Variants in SYNE1 observed in about 807,000 individuals in gnomAD.
SYNE1 encodes the protein nesprin-1.
In SYNE1, 616 loss-of-function variants were observed where a neutral mutation model predicts 1,111.0. The ratio of observed to expected loss-of-function variants is 0.55; its 90% CI spans 0.52 to 0.59. The LOEUF (loss-of-function observed/expected upper bound fraction) is 0.59. Among genes scored for constraint, SYNE1 ranks in the 20% least tolerant of loss-of-function variants. The pLI is 0.00. For missense variants in SYNE1, 10,006 were observed against 10,417.0 expected (o/e 0.96, Z 1.72); for synonymous variants, 3,855 against 3,825.8 (o/e 1.01, Z -0.28).
chr6:152,432,709 T>G (rs2154209143), intron 34 of SYNE1, among the ~76,000 whole-genome samples: 1 of 152,300 alleles, frequency 6.6e-6, no homozygotes, highest in African/African-American at 2.4e-5. Flanking sequence ...GGGGACATTT[T>G]TGAGACAAAA....
rs969648399 is a variant in SYNE1 at position 152,502,646 on chromosome 6, C to T, written c.875G>A (p.Gly292Glu). The part of the protein sequence containing the change: ...YPDIHNASTD[G>E]QEDDEILPGF... ...GCAAATACCTACATCATCCTCTTGC[C>T]CATCAGTGCTTGCATTGTGGATGTC... The change falls in exon 10 of 146, where the codon GGG becomes GAG. Residue 292 changes from glycine (G) to glutamate (E), a missense_variant. By Grantham distance (98) the Gly-to-Glu change is moderately conservative. Around this residue, in one of 7 missense-constraint regions of SYNE1, gnomAD observed 1,971 missense variants for 2,084.1 expected, o/e 0.95. Transcript: ENST00000367255. The T allele has an allele frequency of 1.2e-6, 2 of 1,612,954 alleles. No homozygotes were observed. Among genetic ancestry groups the T allele is most frequent in the Non-Finnish European group, 1.7e-6 (2 of 1,179,088 alleles).
At chr6:152,368,256 C>T (rs1460571777) in intron 61 of SYNE1, 4 of 152,410 alleles carry the variant, frequency 2.6e-5, no homozygotes, top group African/African-American at 9.7e-5. Context: ...AGGTTATAAG[C>T]CACATAAAGC....
Position 152,326,040 on chromosome 6 carries a change from T to A in SYNE1, c.15356A>T (p.Asp5119Val). ...AREEVIELMNDTEKKLSEFSL... is the reference protein window; with the variant it reads ...AREEVIELMNVTEKKLSEFSL... ...AAACTCAGACAATTTCTTTTCTGTA[T>A]CATTCATCAATTCAATAACCTCTTC... The change falls in exon 80 of 146, where the codon GAT becomes GTT. Residue 5119 changes from aspartate to valine, a missense_variant. By Grantham distance (152) the Asp-to-Val change is radical. Coordinates refer to ENST00000367255, the MANE Select transcript of SYNE1 (RefSeq NM_182961.4). The A allele has an allele frequency of 2.5e-6, 4 of 1,614,204 alleles. No homozygotes were observed. Among genetic ancestry groups the A allele is most frequent in the Non-Finnish European group, 3.4e-6 (4 of 1,180,022 alleles).
At chr6:152,353,030 G>A (rs533039314) in intron 69 of SYNE1, among the ~76,000 whole-genome samples, 2 of 152,326 alleles carry the variant, frequency 1.3e-5, no homozygotes, top group South Asian at 4.1e-4. Context: ...ATTCAGTGAA[G>A]ACTTTCATGG....
chr6:152,482,818 T>C (rs1010262338), intron 14 of SYNE1, among the ~76,000 whole-genome samples: 10 of 151,958 alleles, frequency 6.6e-5, no homozygotes, highest in Admixed American at 6.6e-4. Flanking sequence ...AAATAATATA[T>C]AACAACAGAA....
intron 29 of SYNE1, among the ~76,000 whole-genome samples, chr6:152,446,987 C>T (rs1379437228): frequency 6.6e-6 from 1 of 152,126 alleles, no homozygotes; most frequent in Non-Finnish European, 1.5e-5. Flanking sequence ...GCATTTAATT[C>T]ATGATACTTC....
intron 63 of SYNE1, among the ~76,000 whole-genome samples, 199 bp from the exon 64 acceptor site, chr6:152,362,522 T>C (rs574701216): frequency 6.6e-6 from 1 of 152,132 alleles, no homozygotes; most frequent in East Asian, 1.9e-4. Context: ...GCAAGGAACA[T>C]TTAAACCCAG....
chr6:152,551,023 G>A (rs561521965), intron 3 of SYNE1, among the ~76,000 whole-genome samples: 18 of 152,262 alleles, frequency 1.2e-4, no homozygotes, highest in African/African-American at 4.3e-4. Flanking sequence ...AAACCTTTTA[G>A]TTCTAAATCA....
At chr6:152,323,417 C>A in intron 82 of SYNE1, 61 bp downstream of exon 82, 9 of 1,596,242 alleles carry the variant, frequency 5.6e-6, no homozygotes, top group Non-Finnish European at 7.6e-6. Flanking sequence ...CCAGCCTGGG[C>A]GACAGAGCGA....
At chr6:152,363,644 C>A (rs2096990398) in intron 63 of SYNE1, 2 of 425,170 alleles carry the variant, frequency 4.7e-6, no homozygotes, top group South Asian at 1.7e-5. Context: ...CATCCACACC[C>A]CCGGATCACA....
rs1262513613 is a variant in SYNE1, at chr6:152,219,069, T to C, written c.21978A>G (p.Gln7326=). Residue 7326 remains glutamine (Q), a synonymous_variant, in exon 120 of 146, where the codon CAA becomes CAG. Coordinates refer to ENST00000367255, the MANE Select transcript of SYNE1 (RefSeq NM_182961.4). ...ASAASAIQSD[Q]LSLSQHLCAL... ...CACACAAGTGTTGACTCAAAGAGAGTTGATCCGATTGAATAGCTGATGCTG... is the reference window on the plus strand; with the variant it reads ...CACACAAGTGTTGACTCAAAGAGAGCTGATCCGATTGAATAGCTGATGCTG... The C allele has an allele frequency of 6.8e-6, 11 of 1,614,064 alleles. No individual in the cohort carries two copies. Among genetic ancestry groups the C allele is most frequent in the Non-Finnish European group, 9.3e-6 (11 of 1,180,004 alleles).
chr6:152,313,508 G>A (rs2095617209), intron 87 of SYNE1, among the ~76,000 whole-genome samples: 1 of 150,020 alleles, frequency 6.7e-6, no homozygotes, highest in Admixed American at 6.6e-5. Context: ...CTGTGGCCAG[G>A]CTGGAGTGCA....
intron 123 of SYNE1, among the ~76,000 whole-genome samples, chr6:152,212,849 C>CT (rs1021293441): frequency 6.6e-6 from 1 of 152,042 alleles, no homozygotes; most frequent in Non-Finnish European, 1.5e-5. Context: ...TCATTGTAGT[C>CT]TTTTTTCTAT....
intron 133 of SYNE1, 111 bp from the exon 134 acceptor site, chr6:152,152,252 A>G (rs939577288): frequency 1.1e-6 from 1 of 945,010 alleles, no homozygotes; most frequent in South Asian, 1.3e-5. Flanking sequence ...ACACTATCAC[A>G]GAGGGAAAGA....
chr6:152,444,287 A>G (rs1179825509), intron 30 of SYNE1, 124 bp downstream of exon 30: 12 of 1,074,910 alleles, frequency 1.1e-5, no homozygotes, highest in Non-Finnish European at 1.7e-5. Flanking sequence ...TAGCCATTCA[A>G]CTCTTCCTTC....
chr6:152,372,149 C>A lies in SYNE1; in HGVS notation c.9507+888G>T, dbSNP rs148336062. Among the ~76,000 whole-genome samples the A allele has an allele frequency of 7.2e-5, 11 of 152,260 alleles. No individual in the cohort carries two copies. In the East Asian group the frequency reaches 2.1e-3, roughly 29 times the overall value. ...AATATGCTACACTCAGCAGCTGATGCTTCAGAGCTCAGACCACATAGCATT... is the reference window on the plus strand; with the variant it reads ...AATATGCTACACTCAGCAGCTGATGATTCAGAGCTCAGACCACATAGCATT... On this transcript the variant is annotated intron_variant, in intron 59 of 145. Transcript: ENST00000367255.
intron 130 of SYNE1, chr6:152,168,320 T>C (rs1008143498): frequency 8.3e-6 from 5 of 601,360 alleles, no homozygotes; most frequent in South Asian, 2.0e-5. Flanking sequence ...TGTAGACAAA[T>C]GTTGGTAGTC....
At chr6:152,456,164 C>T (rs2098694592) in intron 22 of SYNE1, 120 bp from the exon 23 acceptor site, 1 of 1,069,756 alleles carries the variant, frequency 9.3e-7, no homozygotes, top group African/African-American at 1.6e-5. Context: ...CTTCTAACAC[C>T]AATAAGTAAA....
chr6:152,519,758 A>T (rs1235990761), intron 6 of SYNE1, among the ~76,000 whole-genome samples: 1 of 152,186 alleles, frequency 6.6e-6, no homozygotes, highest in African/African-American at 2.4e-5. Flanking sequence ...CTCCTAAGTT[A>T]TTTCCCAACT....
Sources: gnomAD v4.1 joint callset for allele counts (sites outside exome capture counted in the v4.1 genomes callset) on GRCh38, gnomAD v4.1.1 for gene constraint, gnomAD v4.1.1 regional missense constraint, MANE v1.5 for transcripts, NCBI Gene and HGNC (gene_info 2026-07-23, HGNC 2026-07-21) for gene names.